Variants in LOXL3 observed in about 807,000 individuals in gnomAD.
The protein encoded by LOXL3 is lysyl oxidase like 3, also known as lysyl oxidase homolog 3.
In LOXL3, 60 loss-of-function variants were observed where a neutral mutation model predicts 91.8. That is an observed-to-expected ratio of 0.65 (90% CI 0.53 to 0.81). The LOEUF (loss-of-function observed/expected upper bound fraction) is 0.81. Among genes scored for constraint, LOXL3 ranks in the 30% least tolerant of loss-of-function variants. The probability of loss-of-function intolerance (pLI) is 0.00; values close to 1 mark genes in which losing one functional copy is unlikely to be tolerated. For missense variants in LOXL3, 874 were observed against 1,000.4 expected (o/e 0.87, Z 1.70); for synonymous variants, 355 against 387.6 (o/e 0.92, Z 0.99).
At position 74,552,580 on chromosome 2, in the gene LOXL3, G is replaced by A. The variant is rs768888102; in HGVS notation, c.55C>T (p.Leu19=). The A allele has an allele frequency of 6.2e-7, 1 of 1,602,114 alleles. No individual in the cohort carries two copies. The highest frequency in any genetic ancestry group is 1.3e-5 in the African/African-American group (1 of 74,868). The change falls in exon 2 of 14, where the codon CTG becomes TTG. Residue 19 remains leucine, a synonymous_variant. Coordinates refer to ENST00000264094, the MANE Select transcript of LOXL3 (RefSeq NM_032603.5). Reference sequence around the variant, plus strand: ...GGAGACCCCAAGCACGAACTGCACAGCAGGCACAGCAGCAGCCCCCAGGGG... The same window carrying A: ...GGAGACCCCAAGCACGAACTGCACAACAGGCACAGCAGCAGCCCCCAGGGG... ...WSPWGLLLCL[L]CSSCLGSPSP...
rs1042288947 is a variant in LOXL3 at position 74,532,799 on chromosome 2, T to C, written c.*807A>G. The C allele has an allele frequency of 1.2e-6, 2 of 1,614,190 alleles. No homozygotes were observed. Among genetic ancestry groups the C allele is most frequent in the Admixed American group, 3.3e-5 (2 of 60,024 alleles). On this transcript the variant is annotated 3_prime_UTR_variant, in exon 14 of 14. Coordinates refer to ENST00000264094, the MANE Select transcript of LOXL3 (RefSeq NM_032603.5). Reference sequence around the variant, plus strand: ...TAGGCTTTGTACTCCTTCCTTTCTCTCTGTCCATTTTTCTCTATAGGGCTG... The same window carrying C: ...TAGGCTTTGTACTCCTTCCTTTCTCCCTGTCCATTTTTCTCTATAGGGCTG...
At chr2:74,540,110 G>A (rs909385882) in intron 4 of LOXL3, among the ~76,000 whole-genome samples, 10 of 152,176 alleles carry the variant, frequency 6.6e-5, no homozygotes, top group Non-Finnish European at 1.5e-4. Flanking sequence ...GCCTCCCAAA[G>A]TGTTGGGATT....
chr2:74,548,198 A>G (rs1371363286), intron 4 of LOXL3, among the ~76,000 whole-genome samples: 1 of 152,256 alleles, frequency 6.6e-6, no homozygotes, highest in East Asian at 1.9e-4. Context: ...CTGAGGGGAA[A>G]TGACAGATGG....
chr2:74,550,453 A>C lies in LOXL3; in HGVS notation c.314-105T>G, dbSNP rs964240543. The stretch of plus-strand genomic sequence containing the variant: ...TGCTGAGGCCTCCCACTTGGCCATG[A>C]TGATCCCATCTTTCTGGTATGATAA... On this transcript the variant is annotated intron_variant, in intron 2 of 13. Transcript: ENST00000264094. 44 of 1,225,308 alleles carry C rather than the reference A, an allele frequency of 3.6e-5. No individual in the cohort carries two copies. The African/African-American group carries it at 6.2e-4, about 17-fold the overall frequency. 75.9% of individuals were successfully genotyped at this position (1,225,308 alleles called of 1,614,324 possible).
chr2:74,540,446 A>G (rs1248821362), intron 4 of LOXL3, among the ~76,000 whole-genome samples: 1 of 152,044 alleles, frequency 6.6e-6, no homozygotes, highest in African/African-American at 2.4e-5. Context: ...TCTCTTTGAG[A>G]AAGACTCTGG....
rs1254326849 is a variant in LOXL3 at position 74,536,714 on chromosome 2, C to A, written c.907G>T (p.Gly303Trp). Residue 303 changes from glycine to tryptophan, a missense_variant, in exon 5 of 14, where the codon GGG becomes TGG. By Grantham distance (184) the Gly-to-Trp change is radical. Coordinates refer to ENST00000264094, the MANE Select transcript of LOXL3 (RefSeq NM_032603.5). This position sits in a 1 kb window ranked among gnomAD's most constrained non-coding sequence, Gnocchi z 4.5. ...QKKQQQSKPQ[G>W]EARVRLKGGA... The stretch of plus-strand genomic sequence containing the variant: ...ATAATCACTGTCTCACACACCTCCC[C>A]CTGAGGCTTCGACTGTTGTTGCTTC... The A allele has an allele frequency of 2.5e-6, 4 of 1,614,052 alleles. No individual in the cohort carries two copies. The highest frequency in any genetic ancestry group is 2.7e-5 in the African/African-American group (2 of 74,948).
At chr2:74,538,023 T>C (rs1314547504) in intron 4 of LOXL3, among the ~76,000 whole-genome samples, 1 of 152,032 alleles carries the variant, frequency 6.6e-6, no homozygotes, top group Non-Finnish European at 1.5e-5. Context: ...GGAGGAAAAG[T>C]TTATACACAA....
intron 11 of LOXL3, 32 bp downstream of exon 11, chr2:74,534,284 T>C: frequency 6.2e-7 from 1 of 1,614,184 alleles, no homozygotes; most frequent in Non-Finnish European, 8.5e-7. Context: ...GTGCAATGGA[T>C]ACCATGTGGT....
chr2:74,533,630 G>C lies in LOXL3; in HGVS notation c.2238C>G (p.Gly746=). 1 of 1,614,070 alleles carries C rather than the reference G, an allele frequency of 6.2e-7. No individual in the cohort carries two copies. Among genetic ancestry groups the C allele is most frequent in the Non-Finnish European group, 8.5e-7 (1 of 1,180,016 alleles). ...EANRRFERYP[G]QTSNQII is the part of the protein sequence containing the mutation. ...CTTAGATAATCTGGTTGCTGGTCTG[G>C]CCAGGGTAGCGTTCAAACCTCCTGT... Residue 746 remains glycine, a synonymous_variant, in exon 14 of 14, where the codon GGC becomes GGG. Transcript: ENST00000264094.
Position 74,549,214 on chromosome 2 carries a change from C to T in LOXL3, c.692+155G>A, listed in dbSNP as rs1026933171. The T allele has an allele frequency of 7.3e-6, 6 of 822,148 alleles. No homozygotes were observed. Among genetic ancestry groups the T allele is most frequent in the Non-Finnish European group, 8.9e-6 (5 of 559,310 alleles). 50.9% of individuals were successfully genotyped at this position (822,148 alleles called of 1,614,324 possible). A position where few individuals can be genotyped will look rare whatever the true frequency, so the allele number is the denominator to read the frequency against. On this transcript the variant is annotated intron_variant, in intron 4 of 13. Transcript: ENST00000264094. This position sits in a 1 kb window ranked among gnomAD's most constrained non-coding sequence, Gnocchi z 5.3. ...CCTTTCGTGGTCCCACAAGATTTCC[C>T]AACTCTCCAGCTTTGCAACGGCCTC...
chr2:74,548,202 C>T (rs1357381989), intron 4 of LOXL3, among the ~76,000 whole-genome samples: 3 of 152,214 alleles, frequency 2.0e-5, no homozygotes, highest in African/African-American at 7.2e-5. Flanking sequence ...GGGGAAATGA[C>T]AGATGGAAAG....
chr2:74,553,341 G>A (rs978651337), intron 1 of LOXL3, among the ~76,000 whole-genome samples: 36 of 152,288 alleles, frequency 2.4e-4, no homozygotes, highest in African/African-American at 8.4e-4. Context: ...CCTGCTGCAC[G>A]CCCTCCCCAA....
At chr2:74,554,638 C>G (rs907128302), upstream of LOXL3, 1 of 983,184 alleles carries the variant, frequency 1.0e-6, no homozygotes, top group African/African-American at 1.6e-5. This position sits in a 1 kb window ranked among gnomAD's most constrained non-coding sequence, Gnocchi z 4.9. Flanking sequence ...GCGACCCCCC[C>G]AGCGGCTGCC....
chr2:74,547,773 T>G (rs1676691938), intron 4 of LOXL3, among the ~76,000 whole-genome samples: 1 of 152,154 alleles, frequency 6.6e-6, no homozygotes, highest in Non-Finnish European at 1.5e-5. Flanking sequence ...TTGTAAGCAT[T>G]TAGGAAAAAA....
chr2:74,555,098 G>T, upstream of LOXL3: 1 of 1,554,984 alleles, frequency 6.4e-7, no homozygotes, highest in South Asian at 1.2e-5. The surrounding 1 kb of genome is among the most constrained non-coding windows in gnomAD (Gnocchi z 6.1). Flanking sequence ...TCCCCGTCGG[G>T]ACCCGGGCCG....
chr2:74,554,680 C>T (rs1677270923), upstream of LOXL3: 1 of 1,502,144 alleles, frequency 6.7e-7, no homozygotes, highest in African/African-American at 1.4e-5. This position sits in a 1 kb window ranked among gnomAD's most constrained non-coding sequence, Gnocchi z 4.9. Flanking sequence ...GAAACTCCTC[C>T]AGGGAACCCG....
At position 74,535,222 on chromosome 2, in the gene LOXL3, C is replaced by T. The variant is rs1675932599; in HGVS notation, c.1579+70G>A. The stretch of plus-strand genomic sequence containing the variant: ...AAGAAGTGCCCCTCCAGATTACAGC[C>T]CCCTTTCCCTGCAAACGGGTGGCCC... On this transcript the variant is annotated intron_variant, in intron 9 of 13. Coordinates refer to ENST00000264094, the MANE Select transcript of LOXL3 (RefSeq NM_032603.5). The surrounding 1 kb of genome is among the most constrained non-coding windows in gnomAD (Gnocchi z 4.2). 3 of 1,523,828 alleles carry T rather than the reference C, an allele frequency of 2.0e-6. No homozygotes were observed. The highest frequency in any genetic ancestry group is 1.7e-4 in the Middle Eastern group (1 of 5,728). The allele number at this position is 1,523,828 out of a possible 1,614,324, so 94.4% of individuals were successfully genotyped here. A position where few individuals can be genotyped will look rare whatever the true frequency, so the allele number is the denominator to read the frequency against.
rs755267872 is a variant in LOXL3 at position 74,536,353 on chromosome 2, A to G, written c.1031T>C (p.Val344Ala). ...ACTCCCGAAGCCCAGCTCCCGACAC[A>G]CCACGCTGGCTGCATGCAGGTCCCA... ...RKWDLHAASV[V>A]CRELGFGSAR... The change falls in exon 6 of 14, where the codon GTG (valine) becomes GCG (alanine). Residue 344 changes from valine (V) to alanine (A), a missense_variant. Transcript: ENST00000264094. The surrounding 1 kb of genome is among the most constrained non-coding windows in gnomAD (Gnocchi z 4.5). 2 of 1,613,884 alleles carry G rather than the reference A, an allele frequency of 1.2e-6. No individual in the cohort carries two copies. The highest frequency in any genetic ancestry group is 1.1e-5 in the South Asian group (1 of 91,066).
At position 74,535,793 on chromosome 2, in the gene LOXL3, T is replaced by C; in HGVS notation, c.1249-38A>G. The C allele has an allele frequency of 6.5e-7, 1 of 1,528,544 alleles. No homozygotes were observed. Among genetic ancestry groups the C allele is most frequent in the Non-Finnish European group, 8.7e-7 (1 of 1,143,886 alleles). The allele number at this position is 1,528,544 out of a possible 1,614,324, so 94.7% of individuals were successfully genotyped here. On this transcript the variant is annotated intron_variant, in intron 7 of 13. Coordinates refer to ENST00000264094, the MANE Select transcript of LOXL3 (RefSeq NM_032603.5). The surrounding 1 kb of genome is among the most constrained non-coding windows in gnomAD (Gnocchi z 4.2). ...AGAATGGAAGCGCTGGAGAAAGCTT[T>C]GGGGTGAGGTAGTGGGAGTCTCTAA...
Sources: allele counts gnomAD v4.1 joint callset (sites outside exome capture counted in the v4.1 genomes callset), GRCh38; gene constraint gnomAD v4.1.1; non-coding constraint Gnocchi (gnomAD v3.1); transcripts MANE v1.5; gene names NCBI Gene and HGNC (gene_info 2026-07-23, HGNC 2026-07-21).